IQGAP2: variants seen among roughly 807,000 people sequenced by gnomAD.
IQGAP2 encodes the protein IQ motif containing GTPase activating protein 2, also known as ras GTPase-activating-like protein IQGAP2.
IQGAP2 carries 173 observed loss-of-function variants against 201.3 expected under a neutral mutation model. That is an observed-to-expected ratio of 0.86 (90% CI 0.76 to 0.98). The LOEUF is 0.98. Among genes scored for constraint, IQGAP2 ranks in the 50% least tolerant of loss-of-function variants. IQGAP2 has a pLI of 0.00. For missense variants in IQGAP2, 1,687 were observed against 1,864.8 expected, an observed-to-expected ratio of 0.90 and a Z score of 1.76; for synonymous variants, 675 against 673.9, an observed-to-expected ratio of 1.00 and a Z score of -0.03.
Position 76,595,768 on chromosome 5 carries a change from AAGAGAGAGAGAG to A in IQGAP2, c.908-1651_908-1640del, listed in dbSNP as rs142088212. On this transcript the variant is annotated intron_variant, in intron 9 of 35. Transcript: ENST00000274364. Reference sequence around the variant, plus strand: ...AGAGCAAGACTGTCTCAAAAAAAGAAAGAGAGAGAGAGAGAGAGAGAGAGAGAGAGAAAACAG... The same window carrying A: ...AGAGCAAGACTGTCTCAAAAAAAGAAAGAGAGAGAGAGAGAGAGAAAACAG... Among the ~76,000 whole-genome samples, 599 of 144,292 alleles carry A rather than the reference AAGAGAGAGAGAG, an allele frequency of 4.2e-3. 1 individual carries two copies. The highest frequency in any genetic ancestry group is 6.5e-3 in the Non-Finnish European group (430 of 66,022). The allele number at this position is 144,292 out of a possible 152,430, so 94.7% of individuals were successfully genotyped here.
chr5:76,645,530 A>G (rs1300915667), intron 17 of IQGAP2, among the ~76,000 whole-genome samples: 1 of 152,160 alleles, frequency 6.6e-6, no homozygotes, highest in African/African-American at 2.4e-5. Flanking sequence ...TGACGTTTTA[A>G]TGATTGCCAT....
chr5:76,669,462 G>A (rs1168916523), intron 23 of IQGAP2, among the ~76,000 whole-genome samples: 1 of 152,192 alleles, frequency 6.6e-6, no homozygotes, highest in Admixed American at 6.5e-5. Flanking sequence ...GGAATGCTAT[G>A]CAGTGGAATG....
chr5:76,477,597 G>A (rs753352661), intron 2 of IQGAP2, among the ~76,000 whole-genome samples: 89 of 152,272 alleles, frequency 5.8e-4, no homozygotes, highest in African/African-American at 2.0e-3. Context: ...TAATACTTAT[G>A]TTACTGCTTT....
intron 7 of IQGAP2, among the ~76,000 whole-genome samples, 174 bp from the exon 8 acceptor site, chr5:76,590,234 C>G (rs1342007224): frequency 6.6e-6 from 1 of 152,134 alleles, no homozygotes; most frequent in African/African-American, 2.4e-5. Flanking sequence ...CCAAAGACAG[C>G]CATGTGGAGA....
chr5:76,553,012 C>A (rs940313669), intron 2 of IQGAP2, among the ~76,000 whole-genome samples: 2 of 152,024 alleles, frequency 1.3e-5, no homozygotes, highest in African/African-American at 2.4e-5. Context: ...TAGAGTGAAC[C>A]AAATAAGTTT....
chr5:76,504,502 A>G (rs543446875), intron 2 of IQGAP2, among the ~76,000 whole-genome samples: 2 of 152,308 alleles, frequency 1.3e-5, no homozygotes, highest in South Asian at 4.1e-4. Context: ...TATATGGTAT[A>G]GATGGATGCA....
chr5:76,609,353 T>A, intron 12 of IQGAP2: 1 of 860,180 alleles, frequency 1.2e-6, no homozygotes, highest in Admixed American at 2.5e-5. Context: ...ATACTTAGAC[T>A]TTCCAGAGTT....
chr5:76,481,323 G>T (rs1309817730), intron 2 of IQGAP2, among the ~76,000 whole-genome samples: 1 of 151,854 alleles, frequency 6.6e-6, no homozygotes, highest in Non-Finnish European at 1.5e-5. Flanking sequence ...TAATTTTAAT[G>T]TATTTTATTT....
intron 1 of IQGAP2, among the ~76,000 whole-genome samples, chr5:76,451,868 C>G (rs1415957595): frequency 1.3e-5 from 2 of 152,128 alleles, no homozygotes; most frequent in Non-Finnish European, 2.9e-5. Flanking sequence ...AACCCCGTCT[C>G]TACTAAAAAT....
At chr5:76,475,961 C>A (rs779180797) in intron 2 of IQGAP2, among the ~76,000 whole-genome samples, 1 of 151,908 alleles carries the variant, frequency 6.6e-6, no homozygotes, top group East Asian at 1.9e-4. Context: ...GGCCGAGGAG[C>A]CTATGAAGCC....
chr5:76,540,813 G>A (rs930747708), intron 2 of IQGAP2, among the ~76,000 whole-genome samples: 8 of 152,220 alleles, frequency 5.3e-5, no homozygotes, highest in Admixed American at 3.3e-4. Context: ...TGATGGCCCC[G>A]GGGAAGATTC....
At chr5:76,429,598 G>GTATATATATATATA (rs1561365057) in intron 1 of IQGAP2, among the ~76,000 whole-genome samples, 1 of 117,674 alleles carries the variant, frequency 8.5e-6, no homozygotes, top group Non-Finnish European at 1.9e-5. Flanking sequence ...ATATATATAT[G>GTATATATATATATA]TATATTTATA....
At chr5:76,599,948 A>AT (rs1249087213) in intron 10 of IQGAP2, among the ~76,000 whole-genome samples, 1 of 152,170 alleles carries the variant, frequency 6.6e-6, no homozygotes, top group East Asian at 1.9e-4. Context: ...TCTAAGACGT[A>AT]TTTTTTTGGA....
At chr5:76,653,096 C>T (rs1488959412) in intron 18 of IQGAP2, among the ~76,000 whole-genome samples, 2 of 152,158 alleles carry the variant, frequency 1.3e-5, no homozygotes, top group African/African-American at 4.8e-5. Context: ...AATAAATGTT[C>T]TTTGTCTAGA....
chr5:76,540,668 G>A (rs1742704605), intron 2 of IQGAP2, among the ~76,000 whole-genome samples: 1 of 152,184 alleles, frequency 6.6e-6, no homozygotes, highest in African/African-American at 2.4e-5. Flanking sequence ...GGAACATCAG[G>A]GCTACCCTTG....
rs532097730 is a variant in IQGAP2, at chr5:76,454,613, G to A, written c.47-6957G>A. On this transcript the variant is annotated intron_variant, in intron 1 of 35. Transcript: ENST00000274364. ...CAGTTTCATCCATGTCCCTACAAAGGACATGAACTCATCATTTTTTATGGC... is the reference window on the plus strand; with the variant it reads ...CAGTTTCATCCATGTCCCTACAAAGAACATGAACTCATCATTTTTTATGGC... Among the ~76,000 whole-genome samples, 8 of 149,866 alleles carry A rather than the reference G, an allele frequency of 5.3e-5. No individual in the cohort carries two copies. The South Asian group carries it at 1.3e-3, about 24-fold the overall frequency.
intron 2 of IQGAP2, among the ~76,000 whole-genome samples, chr5:76,498,180 C>G (rs920843508): frequency 6.6e-6 from 1 of 152,186 alleles, no homozygotes; most frequent in East Asian, 1.9e-4. Context: ...AAATTTAGAA[C>G]GGAGAGATGC....
intron 23 of IQGAP2, among the ~76,000 whole-genome samples, chr5:76,670,637 G>A (rs1371102252): frequency 2.0e-5 from 3 of 152,160 alleles, no homozygotes; most frequent in African/African-American, 7.2e-5. Context: ...GGAAGGATGT[G>A]GAAGAGGGAG....
chr5:76,436,494 TA>T (rs1752671153), intron 1 of IQGAP2, among the ~76,000 whole-genome samples: 1 of 18,338 alleles, frequency 5.5e-5, no homozygotes, highest in African/African-American at 3.2e-4. Flanking sequence ...TATATATATA[TA>T]TATATATATA....
Sources: gnomAD v4.1 joint callset for allele counts (sites outside exome capture counted in the v4.1 genomes callset) on GRCh38, gnomAD v4.1.1 for gene constraint, MANE v1.5 for transcripts, NCBI Gene and HGNC (gene_info 2026-07-23, HGNC 2026-07-21) for gene names.